The following SCAMP1 variants were observed in gnomAD, a reference collection of about 807,000 sequenced individuals.
The protein encoded by SCAMP1 is secretory carrier-associated membrane protein 1.
SCAMP1 carries 15 observed loss-of-function variants against 41.8 expected under a neutral mutation model. That is an observed-to-expected ratio of 0.36 (90% CI 0.24 to 0.55). The LOEUF is 0.55. Ranked by LOEUF, SCAMP1 falls within the 20% of genes least tolerant of loss-of-function variation. The probability of loss-of-function intolerance (pLI) is 0.86; values close to 1 mark genes in which losing one functional copy is unlikely to be tolerated. For synonymous variants in SCAMP1, 135 were observed against 136.8 expected, an observed-to-expected ratio of 0.99 and a Z score of 0.09; for missense variants, 341 against 412.6, an observed-to-expected ratio of 0.83 and a Z score of 1.50.
chr5:78,462,196 A>AGT (rs58331355), intron 8 of SCAMP1, among the ~76,000 whole-genome samples: 51,308 of 147,730 alleles, frequency 0.35, 9,166 homozygotes, highest in Non-Finnish European at 0.42. Flanking sequence ...TGTGTGTAGG[A>AGT]GTGTGTGTGT....
At chr5:78,372,806 CA>C (rs1184657717) in intron 1 of SCAMP1, among the ~76,000 whole-genome samples, 1 of 152,110 alleles carries the variant, frequency 6.6e-6, no homozygotes, top group Admixed American at 6.6e-5. Context: ...AATAAAAAAT[CA>C]GAGCCTGCTT....
At chr5:78,406,544 AAAATGAATC>A (rs1461119697) in intron 2 of SCAMP1, among the ~76,000 whole-genome samples, 1 of 152,178 alleles carries the variant, frequency 6.6e-6, no homozygotes, top group Non-Finnish European at 1.5e-5. Flanking sequence ...TCGTTTATTT[AAAATGAATC>A]ACCCTTGGAA....
intron 1 of SCAMP1, among the ~76,000 whole-genome samples, chr5:78,374,464 A>C (rs1751017132): frequency 6.6e-6 from 1 of 152,182 alleles, no homozygotes; most frequent in Non-Finnish European, 1.5e-5. Context: ...ATAATTTCTC[A>C]TAGCAATTGC....
At chr5:78,430,462 A>G (rs946842487) in intron 6 of SCAMP1, among the ~76,000 whole-genome samples, 3 of 151,560 alleles carry the variant, frequency 2.0e-5, no homozygotes, top group Non-Finnish European at 4.4e-5. Flanking sequence ...AAGATTGAAA[A>G]ACTATGGTTC....
chr5:78,382,749 C>T (rs925172313), intron 1 of SCAMP1, among the ~76,000 whole-genome samples: 1 of 150,332 alleles, frequency 6.7e-6, no homozygotes, highest in Non-Finnish European at 1.5e-5. Flanking sequence ...CTATTTCATT[C>T]CTTTTCATGG....
At chr5:78,459,830 A>T (rs1040718113) in intron 8 of SCAMP1, among the ~76,000 whole-genome samples, 1 of 152,128 alleles carries the variant, frequency 6.6e-6, no homozygotes, top group Admixed American at 6.5e-5. Context: ...ATGTTGCATA[A>T]TGCTGGGGTT....
At chr5:78,441,493 A>G (rs1210230005) in intron 6 of SCAMP1, among the ~76,000 whole-genome samples, 1 of 152,232 alleles carries the variant, frequency 6.6e-6, no homozygotes, top group Admixed American at 6.5e-5. Context: ...GAGAATTAAT[A>G]TTAAACTTTT....
chr5:78,452,536 G>A (rs1332866733), intron 7 of SCAMP1, among the ~76,000 whole-genome samples: 1 of 135,914 alleles, frequency 7.4e-6, no homozygotes, highest in African/African-American at 2.8e-5. Context: ...TTTTATGGCT[G>A]CATAGTATTC....
intron 8 of SCAMP1, among the ~76,000 whole-genome samples, chr5:78,460,744 C>CCTTT (rs1561286943): frequency 0.038 from 123 of 3,204 alleles, 3 homozygotes; most frequent in Middle Eastern, 0.1. Flanking sequence ...TTTCTTTTCT[C>CCTTT]CTTCCTTCCT....
At chr5:78,381,532 A>G (rs1259931200) in intron 1 of SCAMP1, among the ~76,000 whole-genome samples, 3 of 152,214 alleles carry the variant, frequency 2.0e-5, no homozygotes. Context: ...TTTGATTAAA[A>G]TGACATCTTT....
Position 78,458,503 on chromosome 5 carries a change from A to G in SCAMP1, c.735-742A>G, listed in dbSNP as rs982085231. ...TTCTGTTGAGCTTTGAAAGTTATGT[A>G]TATTCTAGATGTGAATCCTTTGTTG... On this transcript the variant is annotated intron_variant, in intron 7 of 8. Transcript: ENST00000621999. Among the ~76,000 whole-genome samples, 4 of 152,176 alleles carry G rather than the reference A, an allele frequency of 2.6e-5. No homozygotes were observed. The East Asian group carries it at 7.7e-4, about 29-fold the overall frequency.
chr5:78,366,311 T>G (rs1479819299), intron 1 of SCAMP1, among the ~76,000 whole-genome samples: 1 of 151,944 alleles, frequency 6.6e-6, no homozygotes, highest in African/African-American at 2.4e-5. Context: ...GCCCAGCTAA[T>G]TTTTGTATTT....
At chr5:78,462,412 C>G (rs1189676124) in intron 8 of SCAMP1, among the ~76,000 whole-genome samples, 1 of 152,176 alleles carries the variant, frequency 6.6e-6, no homozygotes, top group Non-Finnish European at 1.5e-5. Context: ...TCACGGCAGC[C>G]TCTACCTCCT....
intron 2 of SCAMP1, among the ~76,000 whole-genome samples, chr5:78,412,738 G>T (rs115795274): frequency 6.6e-6 from 1 of 151,902 alleles, no homozygotes; most frequent in Admixed American, 6.6e-5. Flanking sequence ...CTAGTTTTTC[G>T]ATTAGTTTGT....
intron 1 of SCAMP1, among the ~76,000 whole-genome samples, chr5:78,382,371 T>C (rs1448515741): frequency 6.6e-6 from 1 of 152,056 alleles, no homozygotes; most frequent in Admixed American, 6.6e-5. Flanking sequence ...TCATTATATG[T>C]ATATACTTTA....
chr5:78,394,023 G>T (rs148907514), intron 2 of SCAMP1, among the ~76,000 whole-genome samples: 1 of 152,074 alleles, frequency 6.6e-6, no homozygotes, highest in Non-Finnish European at 1.5e-5. Context: ...GTTTCTTTTC[G>T]TTAGGGATTG....
intron 8 of SCAMP1, among the ~76,000 whole-genome samples, chr5:78,465,267 A>G (rs1018720696): frequency 2.6e-5 from 4 of 152,170 alleles, no homozygotes; most frequent in Admixed American, 1.3e-4. Flanking sequence ...GTCTTTTAGC[A>G]TTGGAATTAG....
intron 1 of SCAMP1, among the ~76,000 whole-genome samples, chr5:78,375,556 G>A (rs1751045936): frequency 6.6e-6 from 1 of 152,070 alleles, no homozygotes; most frequent in Non-Finnish European, 1.5e-5. Flanking sequence ...TTCCTTGATA[G>A]AACTATAAAT....
chr5:78,421,297 G>T (rs1752333841), intron 5 of SCAMP1, among the ~76,000 whole-genome samples: 1 of 152,110 alleles, frequency 6.6e-6, no homozygotes, highest in Non-Finnish European at 1.5e-5. Flanking sequence ...CAAATGGACA[G>T]CTCTATGAAG....
Sources: allele counts gnomAD v4.1 joint callset (sites outside exome capture counted in the v4.1 genomes callset), GRCh38; gene constraint gnomAD v4.1.1; transcripts MANE v1.5; gene names NCBI Gene and HGNC (gene_info 2026-07-23, HGNC 2026-07-21).